Variants in FMN1 observed in about 807,000 individuals in gnomAD.
The protein encoded by FMN1 is formin-1.
A neutral mutation model predicts 132.4 loss-of-function variants in FMN1; 110 were observed. The ratio of observed to expected loss-of-function variants is 0.83; its 90% CI spans 0.71 to 0.97. The LOEUF is 0.97. Ranked by LOEUF, FMN1 falls within the 50% of genes least tolerant of loss-of-function variation. FMN1 has a pLI of 0.00. For synonymous variants in FMN1, 722 were observed against 651.7 expected (o/e 1.11, Z -1.64); for missense variants, 1,792 against 1,705.3 (o/e 1.05, Z -0.90).
At chr15:32,950,081 T>TATATATATATATA (rs1399699155) in intron 9 of FMN1, among the ~76,000 whole-genome samples, 1 of 83,330 alleles carries the variant, frequency 1.2e-5, no homozygotes, top group Non-Finnish European at 2.7e-5. Context: ...ATATATATAT[T>TATATATATATATA]AAAAAGCTCA....
chr15:33,009,857 C>T (rs1006488082), intron 6 of FMN1, among the ~76,000 whole-genome samples: 6 of 152,212 alleles, frequency 3.9e-5, no homozygotes, highest in African/African-American at 9.6e-5. Context: ...GCAATAAAGA[C>T]GAATATATGC....
intron 4 of FMN1, among the ~76,000 whole-genome samples, chr15:33,126,341 G>C (rs757446524): frequency 5.2e-4 from 79 of 152,208 alleles, no homozygotes; most frequent in African/African-American, 1.7e-3. Flanking sequence ...GGAGGCAGAA[G>C]GTCACTGTGG....
intron 6 of FMN1, among the ~76,000 whole-genome samples, chr15:33,047,930 TTCTG>T (rs1208227065): frequency 6.6e-6 from 1 of 152,180 alleles, no homozygotes; most frequent in Non-Finnish European, 1.5e-5. Flanking sequence ...TTGGATCTTC[TTCTG>T]TCTGAGTAGT....
intron 4 of FMN1, among the ~76,000 whole-genome samples, chr15:33,135,236 A>T (rs981005402): frequency 6.6e-6 from 1 of 152,206 alleles, no homozygotes; most frequent in African/African-American, 2.4e-5. Context: ...ATCTTGCGCT[A>T]GAAGGTTCTC....
At chr15:33,066,124 C>T (rs991889572) in intron 5 of FMN1, among the ~76,000 whole-genome samples, 13 of 152,178 alleles carry the variant, frequency 8.5e-5, no homozygotes, top group Non-Finnish European at 1.6e-4. Flanking sequence ...TTCAAAGGAA[C>T]GATAGACTTT....
chr15:32,845,183 T>C (rs922245656), intron 17 of FMN1, among the ~76,000 whole-genome samples: 6 of 152,192 alleles, frequency 3.9e-5, no homozygotes, highest in East Asian at 1.9e-4. Flanking sequence ...AACCTTGCCA[T>C]AGTTGTCAAG....
At chr15:32,844,741 C>T (rs971562549) in intron 17 of FMN1, among the ~76,000 whole-genome samples, 3 of 152,196 alleles carry the variant, frequency 2.0e-5, no homozygotes, top group Non-Finnish European at 2.9e-5. Flanking sequence ...GCCACTTGAA[C>T]TTGGAACCAC....
At chr15:32,781,494 G>A (rs74011962) in intron 19 of FMN1, among the ~76,000 whole-genome samples, 1,829 of 152,278 alleles carry the variant, frequency 0.012, 35 homozygotes, top group African/African-American at 0.041. Flanking sequence ...TCTGAAAAAT[G>A]CATCAACGAC....
intron 9 of FMN1, among the ~76,000 whole-genome samples, chr15:32,944,737 C>T (rs1053087367): frequency 1.3e-5 from 2 of 150,976 alleles, no homozygotes; most frequent in African/African-American, 2.4e-5. Flanking sequence ...AAGGCTAATG[C>T]GGAGGCCACA....
chr15:32,833,813 G>A (rs560385359), intron 17 of FMN1, among the ~76,000 whole-genome samples: 1 of 152,230 alleles, frequency 6.6e-6, no homozygotes, highest in Non-Finnish European at 1.5e-5. Flanking sequence ...ACACATTAAA[G>A]GCCACAATTT....
chr15:33,023,124 G>T (rs890528295), intron 6 of FMN1, among the ~76,000 whole-genome samples: 1 of 136,498 alleles, frequency 7.3e-6, no homozygotes, highest in African/African-American at 2.8e-5. Context: ...GTCACCAGCC[G>T]ACTAAATCTG....
chr15:33,006,024 C>T (rs1243732697), intron 7 of FMN1, among the ~76,000 whole-genome samples: 1 of 152,136 alleles, frequency 6.6e-6, no homozygotes, highest in Non-Finnish European at 1.5e-5. Flanking sequence ...AATTCATACA[C>T]CATACTACTT....
At chr15:32,999,834 T>TC (rs2033991166) in intron 7 of FMN1, among the ~76,000 whole-genome samples, 1 of 152,202 alleles carries the variant, frequency 6.6e-6, no homozygotes, top group Non-Finnish European at 1.5e-5. Context: ...TACCAGCTCC[T>TC]CACAAGCCAG....
intron 6 of FMN1, among the ~76,000 whole-genome samples, chr15:33,032,640 T>A (rs999886622): frequency 1.1e-4 from 16 of 152,234 alleles, no homozygotes; most frequent in Non-Finnish European, 2.1e-4. Flanking sequence ...AAATAACTTA[T>A]ACAAAGTATT....
chr15:33,151,669 A>G (rs1964444435), intron 4 of FMN1, among the ~76,000 whole-genome samples: 3 of 151,886 alleles, frequency 2.0e-5, no homozygotes, highest in African/African-American at 7.3e-5. Flanking sequence ...GGCAGCTAAG[A>G]TATTCTACAC....
At chr15:32,917,608 T>C (rs915931028) in intron 10 of FMN1, among the ~76,000 whole-genome samples, 2 of 152,210 alleles carry the variant, frequency 1.3e-5, no homozygotes, top group African/African-American at 4.8e-5. Context: ...TTACAGATGA[T>C]GAAACTAAGG....
At chr15:33,041,156 CAT>C (rs775456008) in intron 6 of FMN1, among the ~76,000 whole-genome samples, 42 of 149,756 alleles carry the variant, frequency 2.8e-4, no homozygotes, top group South Asian at 2.5e-3. Flanking sequence ...AAAAAAATCA[CAT>C]GAGTCACATG....
At chr15:33,166,504 C>T (rs1965114872) in intron 3 of FMN1, among the ~76,000 whole-genome samples, 1 of 152,076 alleles carries the variant, frequency 6.6e-6, no homozygotes, top group African/African-American at 2.4e-5. Context: ...GTAAAGATTT[C>T]TCATTTAAAT....
chr15:33,189,192 T>C (rs1965989247), intron 2 of FMN1, among the ~76,000 whole-genome samples: 1 of 152,184 alleles, frequency 6.6e-6, no homozygotes, highest in South Asian at 2.1e-4. Flanking sequence ...TCATATTTAC[T>C]TGGGGTTGGA....
Sources: gnomAD v4.1 joint callset for allele counts (sites outside exome capture counted in the v4.1 genomes callset) on GRCh38, gnomAD v4.1.1 for gene constraint, MANE v1.5 for transcripts, NCBI Gene and HGNC (gene_info 2026-07-23, HGNC 2026-07-21) for gene names.